ZBTB7B: variants seen among roughly 807,000 people sequenced by gnomAD.
ZBTB7B encodes the protein zinc finger and BTB domain-containing protein 7B.
In ZBTB7B, 8 loss-of-function variants were observed where a neutral mutation model predicts 31.0. The ratio of observed to expected loss-of-function variants is 0.26; its 90% CI spans 0.15 to 0.47. The LOEUF is 0.47. ZBTB7B is among the 20% of genes least tolerant of loss of function. ZBTB7B has a pLI of 0.99. For synonymous variants in ZBTB7B, 261 were observed against 307.3 expected, an observed-to-expected ratio of 0.85 and a Z score of 1.58; for missense variants, 494 against 742.4, an observed-to-expected ratio of 0.67 and a Z score of 3.89.
rs186080787 is a variant in ZBTB7B at position 155,003,502 on chromosome 1, C to T, written c.-7+559C>T. ...TTTCTTGCGCTTCCAGAGCCGCGCT[C>T]TCTCCAGCGGTAGTGGGGCTCAGCA... On this transcript the variant is annotated intron_variant, in intron 1 of 2. Coordinates refer to ENST00000535420, the MANE Select transcript of ZBTB7B (RefSeq NM_001256455.2). This position sits in a 1 kb window ranked among gnomAD's most constrained non-coding sequence, Gnocchi z 5.8. Among the ~76,000 whole-genome samples, 2 of 152,272 alleles carry T rather than the reference C, an allele frequency of 1.3e-5. No homozygotes were observed. Among genetic ancestry groups the T allele is most frequent in the African/African-American group, 4.8e-5 (2 of 41,550 alleles).
At chr1:155,014,531 A>G (rs1430800970) in intron 1 of ZBTB7B, 124 bp from the exon 2 acceptor site, 8 of 810,106 alleles carry the variant, frequency 9.9e-6, no homozygotes, top group East Asian at 5.2e-5. Flanking sequence ...AAATGAGTGT[A>G]AAGTACTCAG....
Position 155,016,671 on chromosome 1 carries a change from A to G in ZBTB7B, c.1606A>G (p.Met536Val), listed in dbSNP as rs757000650. 42 of 1,548,944 alleles carry G rather than the reference A, an allele frequency of 2.7e-5. 2 individuals are homozygous for G. In the South Asian group the frequency reaches 5.0e-4, roughly 19 times the overall value. The change falls in exon 3 of 3, where the codon ATG (methionine) becomes GTG (valine). Residue 536 changes from methionine (M) to valine (V), a missense_variant. By Grantham distance (21) the Met-to-Val change is conservative. Transcript: ENST00000535420. The surrounding 1 kb of genome is among the most constrained non-coding windows in gnomAD (Gnocchi z 4.3). ...CACCACACCCCAGGCTGAAGGTGCC[A>G]TGGAGTCCTCTTAAAGAGGGACGAG... ...APTTPQAEGA[M>V]ESS
chr1:155,011,583 G>A lies in ZBTB7B; in HGVS notation c.-6-3072G>A, dbSNP rs186527299. 2.6e-5 allele frequency among the ~76,000 whole-genome samples: 4 copies of A among 152,286 alleles called. No homozygotes were observed. The East Asian group carries it at 7.7e-4, about 29-fold the overall frequency. ...TGGCGGGAAAGAGGGGAGTGATGGG[G>A]TGGGGCCCCCAGTTCTTCCCCCTAC... On this transcript the variant is annotated intron_variant, in intron 1 of 2. Coordinates refer to ENST00000535420, the MANE Select transcript of ZBTB7B (RefSeq NM_001256455.2).
intron 2 of ZBTB7B, 37 bp downstream of exon 2, chr1:155,015,851 T>C: frequency 6.3e-7 from 1 of 1,592,694 alleles, no homozygotes; most frequent in Non-Finnish European, 8.6e-7. Context: ...GCAGGGGCCA[T>C]GGGTAGGGGA....
chr1:155,007,374 C>G (rs2102277869), intron 1 of ZBTB7B, among the ~76,000 whole-genome samples: 1 of 152,342 alleles, frequency 6.6e-6, no homozygotes, highest in South Asian at 2.1e-4. Context: ...AGCCCCACCC[C>G]ACTCCCTTGC....
intron 1 of ZBTB7B, among the ~76,000 whole-genome samples, chr1:155,011,701 GA>G (rs1198290939): frequency 3.9e-5 from 6 of 152,260 alleles, no homozygotes; most frequent in African/African-American, 9.6e-5. Flanking sequence ...GTCTTAGCAA[GA>G]GGGGGCATGC....
chr1:155,006,026 TG>T (rs1215976473), intron 1 of ZBTB7B, among the ~76,000 whole-genome samples: 1 of 152,194 alleles, frequency 6.6e-6, no homozygotes, highest in African/African-American at 2.4e-5. Flanking sequence ...GGCTGGGGCC[TG>T]CCAGCATCTG....
chr1:155,006,691 T>G (rs1658576852), intron 1 of ZBTB7B, among the ~76,000 whole-genome samples: 1 of 152,186 alleles, frequency 6.6e-6, no homozygotes, highest in Non-Finnish European at 1.5e-5. Context: ...AGGCCCTTAC[T>G]TTCGACCTCA....
chr1:155,016,667 T>G lies in ZBTB7B; in HGVS notation c.1602T>G (p.Gly534=). The change falls in exon 3 of 3, where the codon GGT becomes GGG. Residue 534 remains glycine (G), a synonymous_variant. Transcript: ENST00000535420. This position sits in a 1 kb window ranked among gnomAD's most constrained non-coding sequence, Gnocchi z 4.3. ...EGAPTTPQAE[G]AMESS is the part of the protein sequence containing the mutation. ...CACCCACCACACCCCAGGCTGAAGG[T>G]GCCATGGAGTCCTCTTAAAGAGGGA... is the stretch of plus-strand genomic sequence containing the variant. 1 of 1,555,736 alleles carries G rather than the reference T, an allele frequency of 6.4e-7. No homozygotes were observed. The highest frequency in any genetic ancestry group is 1.2e-5 in the South Asian group (1 of 82,404).
In ZBTB7B at chr1:155,017,359, A is replaced by AGGGG. The variant is rs925665568; in HGVS notation, c.*675_*678dup. 6.6e-6 allele frequency: 1 copy of AGGGG among 152,222 alleles called. No homozygotes were observed. Among genetic ancestry groups the AGGGG allele is most frequent in the Non-Finnish European group, 1.5e-5 (1 of 68,280 alleles). The allele number at this position is 152,222 out of a possible 1,614,324, so 9.4% of individuals were successfully genotyped here. A position where few individuals can be genotyped will look rare whatever the true frequency, so the allele number is the denominator to read the frequency against. On this transcript the variant is annotated 3_prime_UTR_variant, in exon 3 of 3. Coordinates refer to ENST00000535420, the MANE Select transcript of ZBTB7B (RefSeq NM_001256455.2). The stretch of plus-strand genomic sequence containing the variant: ...GCTCGCCTGCCCCTGGGGGCAGTAG[A>AGGGG]GGGGCCCCGCCCAGCTAGGGGAGCC...
chr1:155,013,585 T>C (rs1208106743), intron 1 of ZBTB7B, among the ~76,000 whole-genome samples: 1 of 150,882 alleles, frequency 6.6e-6, no homozygotes, highest in Non-Finnish European at 1.5e-5. Context: ...ACCTCCTGGC[T>C]GCTCTGCACC....
intron 1 of ZBTB7B, among the ~76,000 whole-genome samples, chr1:155,007,397 C>G (rs888439285): frequency 6.6e-6 from 1 of 152,212 alleles, no homozygotes; most frequent in Non-Finnish European, 1.5e-5. Context: ...GCTGCAGGCA[C>G]TAGGGCTCTC....
chr1:155,016,710 C>A lies in ZBTB7B; in HGVS notation c.*25C>A. Reference sequence around the variant, plus strand: ...AAGAGGGACGAGGGCCAGACTGAAGCAGCACAAGGCCGGGGACACCCATGC... The same window carrying A: ...AAGAGGGACGAGGGCCAGACTGAAGAAGCACAAGGCCGGGGACACCCATGC... On this transcript the variant is annotated 3_prime_UTR_variant, in exon 3 of 3. Transcript: ENST00000535420. This position sits in a 1 kb window ranked among gnomAD's most constrained non-coding sequence, Gnocchi z 4.3. The A allele has an allele frequency of 7.5e-7, 1 of 1,337,848 alleles. No homozygotes were observed. Among genetic ancestry groups the A allele is most frequent in the Non-Finnish European group, 1.0e-6 (1 of 982,568 alleles). 82.9% of individuals were successfully genotyped at this position (1,337,848 alleles called of 1,614,324 possible).
Sources: gnomAD v4.1 joint callset for allele counts (sites outside exome capture counted in the v4.1 genomes callset) on GRCh38, gnomAD v4.1.1 for gene constraint, Gnocchi (gnomAD v3.1) non-coding constraint, MANE v1.5 for transcripts, NCBI Gene and HGNC (gene_info 2026-07-23, HGNC 2026-07-21) for gene names.